Variants in USP11 observed in about 807,000 individuals in gnomAD.
USP11 encodes ubiquitin carboxyl-terminal hydrolase 11.
Under a neutral mutation model 72.8 loss-of-function variants are expected in USP11, and 5 were observed. That is an observed-to-expected ratio of 0.07 (90% CI 0.04 to 0.14). The LOEUF (loss-of-function observed/expected upper bound fraction) is 0.14. USP11 is among the 10% of genes least tolerant of loss of function. USP11 has a pLI of 1.00. For synonymous variants in USP11, 368 were observed against 326.5 expected, an observed-to-expected ratio of 1.13 and a Z score of -1.37; for missense variants, 480 against 794.7, an observed-to-expected ratio of 0.60 and a Z score of 4.76.
At chrX:47,233,432 A>G (rs2055355524) in intron 1 of USP11, 1 of 1,065,080 alleles carries the variant, frequency 9.4e-7, no homozygotes, top group African/African-American at 1.9e-5. Context: ...GTGCAGTCTG[A>G]CGCCTGAGAA....
intron 16 of USP11, 63 bp from the exon 17 acceptor site, chrX:47,245,307 A>G (rs1360979802): frequency 1.9e-6 from 2 of 1,064,363 alleles, no homozygotes; most frequent in Non-Finnish European, 2.6e-6. Flanking sequence ...CTGGGCCCCC[A>G]CTCCCCATTT....
At position 47,247,171 on chromosome X, in the gene USP11, C is replaced by T. The variant is rs765390421; in HGVS notation, c.2370C>T (p.Tyr790=). Residue 790 remains tyrosine (Y), a synonymous_variant, in exon 18 of 21, where the codon TAC becomes TAT. Coordinates refer to ENST00000377107, the MANE Select transcript of USP11 (RefSeq NM_001371072.1). ...ILIIHLKRFS[Y]TKFSREKLDT... Reference sequence around the variant, plus strand: ...TCATCCACCTGAAACGCTTTTCCTACACCAAGTTCTCCCGAGAGAAGCTGG... The same window carrying T: ...TCATCCACCTGAAACGCTTTTCCTATACCAAGTTCTCCCGAGAGAAGCTGG... 1.7e-5 allele frequency: 20 copies of T among 1,209,512 alleles called. No individual in the cohort carries two copies. In the Admixed American group the frequency reaches 3.7e-4, roughly 22 times the overall value.
rs746158790 is a variant in USP11, at chrX:47,244,701, A to G, written c.1863A>G (p.Lys621=). The change falls in exon 15 of 21, where the codon AAA becomes AAG. Residue 621 remains lysine (K), a synonymous_variant. Transcript: ENST00000377107. ...GDEKEDDEED[K]DDVPGPSTGG... is the part of the protein sequence containing the mutation. ...TCCTAGAAGATGACGAGGAGGATAA[A>G]GATGACGTCCCTGGGCCCTCAACTG... The G allele has an allele frequency of 1.7e-5, 21 of 1,206,067 alleles. No homozygotes were observed. The South Asian group carries it at 3.2e-4, about 18-fold the overall frequency.
Position 47,237,775 on chromosome X carries a change from GGTGTGTGTGTATGTGTGT to G in USP11, c.177-1284_177-1267del, listed in dbSNP as rs1226649678. The stretch of plus-strand genomic sequence containing the variant: ...GTGTCAGAAATGCCACAGCAGAACA[GGTGTGTGTGTATGTGTGT>G]GTGTGTGTGTGTGTGTGTGTGTGTG... On this transcript the variant is annotated intron_variant, in intron 1 of 20. Transcript: ENST00000377107. Among the ~76,000 whole-genome samples, 615 of 99,152 alleles carry G rather than the reference GGTGTGTGTGTATGTGTGT, an allele frequency of 6.2e-3. 5 individuals carry two copies. Among genetic ancestry groups the G allele is most frequent in the Non-Finnish European group, 8.6e-3 (432 of 50,254 alleles). 86.1% of individuals were successfully genotyped at this position (99,152 alleles called of 115,157 possible).
intron 12 of USP11, among the ~76,000 whole-genome samples, 181 bp downstream of exon 12, chrX:47,242,901 G>A (rs1021807656): frequency 8.9e-6 from 1 of 112,065 alleles, no homozygotes; most frequent in East Asian, 2.8e-4. Flanking sequence ...ACTTGAACCC[G>A]AGAGGTTCAA....
At chrX:47,240,555 T>C (rs1309949053) in intron 5 of USP11, 32 bp from the exon 6 acceptor site, 3 of 1,209,483 alleles carry the variant, frequency 2.5e-6, no homozygotes, top group South Asian at 3.5e-5. Flanking sequence ...CCTCCATTAA[T>C]ACCTTTCCTT....
Position 47,242,174 on chromosome X carries a change from G to A in USP11, c.1272G>A (p.Val424=), listed in dbSNP as rs780525243. The A allele has an allele frequency of 2.5e-6, 3 of 1,211,584 alleles. No homozygotes were observed. The highest frequency in any genetic ancestry group is 2.2e-6 in the Non-Finnish European group (2 of 895,321). The change falls in exon 10 of 21, where the codon GTG becomes GTA. Residue 424 remains valine, a synonymous_variant. Transcript: ENST00000377107. ...TFHGLFKSTL[V]CPDCGNVSVT... ...ACGGCCTCTTCAAGTCCACGCTGGT[G>A]TGCCCCGATTGTGGCAATGTATCTG...
At position 47,246,975 on chromosome X, in the gene USP11, C is replaced by T. The variant is rs186712065; in HGVS notation, c.2271-97C>T. 6.4e-4 allele frequency: 666 copies of T among 1,043,910 alleles called. 5 individuals carry two copies. The East Asian group carries it at 0.016, about 26-fold the overall frequency. 86.0% of individuals were successfully genotyped at this position (1,043,910 alleles called of 1,213,427 possible). ...GGTGGAGGCTGCAGTGATCCGAGATCGCGCCACTGTACTCCAGCCTGGGCA... is the reference window on the plus strand; with the variant it reads ...GGTGGAGGCTGCAGTGATCCGAGATTGCGCCACTGTACTCCAGCCTGGGCA... On this transcript the variant is annotated intron_variant, in intron 17 of 20. Transcript: ENST00000377107.
Position 47,242,444 on chromosome X carries a change from G to A in USP11, c.1410G>A (p.Arg470=), listed in dbSNP as rs2055408456. Residue 470 remains arginine, a synonymous_variant, in exon 11 of 21, where the codon CGG becomes CGA. Coordinates refer to ENST00000377107, the MANE Select transcript of USP11 (RefSeq NM_001371072.1). The stretch of plus-strand genomic sequence containing the variant: ...GGATACCGTTTTTCCCTTAGCACCG[G>A]CTCGTGGTCCCCAAGAAAGGCAAGA... ...MDPRRKPEQH[R]LVVPKKGKIS... is the part of the protein sequence containing the mutation. 1 of 1,210,300 alleles carries A rather than the reference G, an allele frequency of 8.3e-7. No homozygotes were observed. Among genetic ancestry groups the A allele is most frequent in the South Asian group, 1.8e-5 (1 of 56,866 alleles).
chrX:47,241,946 C>T (rs2055405527), intron 9 of USP11, 136 bp from the exon 10 acceptor site: 4 of 759,445 alleles, frequency 5.3e-6, no homozygotes, highest in Non-Finnish European at 5.8e-6. Context: ...AACATAGTCT[C>T]TGTGTATCCC....
chrX:47,242,986 G>A (rs906401620), intron 12 of USP11, among the ~76,000 whole-genome samples: 2 of 111,677 alleles, frequency 1.8e-5, no homozygotes, highest in Admixed American at 9.5e-5. Context: ...AAATAAAGCC[G>A]GGCGCGGTGG....
chrX:47,246,040 C>A (rs750375212), intron 17 of USP11, among the ~76,000 whole-genome samples: 6 of 111,452 alleles, frequency 5.4e-5, no homozygotes, highest in African/African-American at 9.8e-5. Context: ...TCAAATGTGA[C>A]CTCATCAGAG....
At position 47,245,109 on chromosome X, in the gene USP11, G is replaced by A. The variant is rs146155361; in HGVS notation, c.2157+23G>A. ...GAGGTAAATGAGATCCCAGGGATGG[G>A]GGGTACTTCCAGCTCTTGCCCCTCA... On this transcript the variant is annotated intron_variant, in intron 16 of 20. Transcript: ENST00000377107. 4.9e-4 allele frequency: 590 copies of A among 1,202,978 alleles called. 3 individuals carry two copies. In the African/African-American group the frequency reaches 8.3e-3, roughly 17 times the overall value.
Position 47,247,704 on chromosome X carries a change from G to C in USP11, c.2625+5G>C. ...GTCAATGAGAATCAGATCGAGGTGTGACTTCCATCCTACCTCCTCCCCTTC... is the reference window on the plus strand; with the variant it reads ...GTCAATGAGAATCAGATCGAGGTGTCACTTCCATCCTACCTCCTCCCCTTC... On this transcript the variant is annotated splice_donor_5th_base_variant and intron_variant, in intron 20 of 20. Coordinates refer to ENST00000377107, the MANE Select transcript of USP11 (RefSeq NM_001371072.1). 1 of 1,210,750 alleles carries C rather than the reference G, an allele frequency of 8.3e-7. No homozygotes were observed. Among genetic ancestry groups the C allele is most frequent in the East Asian group, 3.0e-5 (1 of 33,784 alleles).
chrX:47,237,112 G>A (rs2055375761), intron 1 of USP11, among the ~76,000 whole-genome samples: 1 of 112,100 alleles, frequency 8.9e-6, no homozygotes, highest in Non-Finnish European at 1.9e-5. Flanking sequence ...GTTATTTTTT[G>A]TTCAAAATCT....
rs753381678 is a variant in USP11, at chrX:47,239,392, G to A, written c.328G>A (p.Glu110Lys). Reference sequence around the variant, plus strand: ...CCTCAAGGAGGGACTGGTGGAAGGCGAGGATTATGTGCTGCTCCCAGCAGC... The same window carrying A: ...CCTCAAGGAGGGACTGGTGGAAGGCAAGGATTATGTGCTGCTCCCAGCAGC... The part of the protein sequence containing the change: ...WRLKEGLVEG[E>K]DYVLLPAAAW... Residue 110 changes from glutamate (E) to lysine (K), a missense_variant, in exon 3 of 21, where the codon GAG (glutamate) becomes AAG (lysine). Glu to Lys is a moderately conservative substitution (Grantham distance 56). Around this residue, in one of 5 missense-constraint regions of USP11, gnomAD observed 14 missense variants for 46.4 expected, o/e 0.30. Coordinates refer to ENST00000377107, the MANE Select transcript of USP11 (RefSeq NM_001371072.1). 4 of 1,211,627 alleles carry A rather than the reference G, an allele frequency of 3.3e-6. No homozygotes were observed. The highest frequency in any genetic ancestry group is 3.5e-5 in the African/African-American group (2 of 57,859).
At chrX:47,241,230 C>T (rs1326455719) in intron 7 of USP11, 47 bp from the exon 8 acceptor site, 4 of 1,146,033 alleles carry the variant, frequency 3.5e-6, no homozygotes, top group East Asian at 3.0e-5. Context: ...CACTTTGAAC[C>T]TTCTGTCTCC....
intron 2 of USP11, 51 bp downstream of exon 2, chrX:47,239,230 TC>T: frequency 8.5e-7 from 1 of 1,179,164 alleles, no homozygotes; most frequent in African/African-American, 1.7e-5. Flanking sequence ...TCTTGTCCCT[TC>T]CGTCCCTACA....
At chrX:47,241,479 C>T (rs981278884) in intron 8 of USP11, 29 bp downstream of exon 8, 1 of 1,189,051 alleles carries the variant, frequency 8.4e-7, no homozygotes, top group Admixed American at 2.3e-5. Flanking sequence ...CACCCCCGAC[C>T]CCCTACGTCT....
Sources: gnomAD v4.1 joint callset for allele counts (sites outside exome capture counted in the v4.1 genomes callset) on GRCh38, gnomAD v4.1.1 for gene constraint, gnomAD v4.1.1 regional missense constraint, MANE v1.5 for transcripts, NCBI Gene and HGNC (gene_info 2026-07-23, HGNC 2026-07-21) for gene names.